Variants in AFG2A observed in about 807,000 individuals in gnomAD.
AFG2A encodes the protein ATPase family gene 2 protein homolog A.
the AFG2A span, among the ~76,000 whole-genome samples, chr4:123,257,912 G>GA: frequency 6.6e-6 from 1 of 152,022 alleles, no homozygotes; most frequent in Non-Finnish European, 1.5e-5. Flanking sequence ...TGGCTAAAAG[G>GA]AAAAAAACCT....
chr4:123,253,929 A>G, the AFG2A span, among the ~76,000 whole-genome samples: 1,073 of 152,190 alleles, frequency 7.1e-3, 13 homozygotes, highest in African/African-American at 0.024. Flanking sequence ...ATGGTATCTC[A>G]TTGTGGCTTA....
At chr4:122,933,653 T>A in the AFG2A span, among the ~76,000 whole-genome samples, 1 of 152,260 alleles carries the variant, frequency 6.6e-6, no homozygotes, top group Non-Finnish European at 1.5e-5. Context: ...AAGATAGGGA[T>A]GTGCTACTTT....
chr4:123,185,357 AT>A, the AFG2A span, among the ~76,000 whole-genome samples: 1 of 152,070 alleles, frequency 6.6e-6, no homozygotes, highest in Non-Finnish European at 1.5e-5. Context: ...AACTGTTACA[AT>A]AGCTACTGTA....
the AFG2A span, among the ~76,000 whole-genome samples, chr4:123,027,959 A>G: frequency 2.3e-5 from 2 of 86,128 alleles, no homozygotes; most frequent in Admixed American, 1.5e-4. Flanking sequence ...TATGAGACTT[A>G]CAAGCAGAAT....
At chr4:122,960,622 G>A in the AFG2A span, among the ~76,000 whole-genome samples, 10 of 152,240 alleles carry the variant, frequency 6.6e-5, no homozygotes, top group East Asian at 1.9e-3. Context: ...CCTTGATAAG[G>A]TAGCATAACA....
chr4:123,093,221 T>C, the AFG2A span, among the ~76,000 whole-genome samples: 4 of 152,178 alleles, frequency 2.6e-5, no homozygotes, highest in African/African-American at 9.7e-5. Flanking sequence ...CTGCCCGTTG[T>C]GGTGCAGGGC....
the AFG2A span, among the ~76,000 whole-genome samples, chr4:122,968,527 C>T: frequency 7.9e-5 from 12 of 152,196 alleles, no homozygotes; most frequent in Non-Finnish European, 1.3e-4. Context: ...GCCTTCTCTT[C>T]TTTCACTTGT....
At chr4:123,074,678 T>C in the AFG2A span, among the ~76,000 whole-genome samples, 1 of 152,158 alleles carries the variant, frequency 6.6e-6, no homozygotes, top group Non-Finnish European at 1.5e-5. Flanking sequence ...TTCATGTGGA[T>C]TTTTGTTTTT....
chr4:123,057,401 G>A, the AFG2A span: 4 of 1,166,482 alleles, frequency 3.4e-6, no homozygotes, highest in African/African-American at 4.7e-5. Flanking sequence ...AATACATTTG[G>A]CCTAAAAAAG....
At chr4:123,022,535 A>G in the AFG2A span, among the ~76,000 whole-genome samples, 1 of 149,564 alleles carries the variant, frequency 6.7e-6, no homozygotes, top group African/African-American at 2.5e-5. Flanking sequence ...TCAGGAAACA[A>G]CAGGTGCTGG....
the AFG2A span, among the ~76,000 whole-genome samples, chr4:123,134,197 GC>G: frequency 6.6e-6 from 1 of 152,010 alleles, no homozygotes; most frequent in African/African-American, 2.4e-5. Flanking sequence ...TGTCTGTGGA[GC>G]TTTTTCTCTT....
the AFG2A span, among the ~76,000 whole-genome samples, chr4:123,120,371 T>TA: frequency 1.3e-5 from 2 of 152,012 alleles, no homozygotes; most frequent in Admixed American, 6.6e-5. Flanking sequence ...AATTAAGGGC[T>TA]AAAAAAAAGA....
the AFG2A span, chr4:122,935,816 T>C: frequency 6.2e-7 from 1 of 1,611,774 alleles, no homozygotes; most frequent in Non-Finnish European, 8.5e-7. Context: ...TATGTTTCTG[T>C]AATTAATGGT....
chr4:123,228,432 A>T, the AFG2A span, among the ~76,000 whole-genome samples: 2 of 151,952 alleles, frequency 1.3e-5, no homozygotes, highest in African/African-American at 4.8e-5. Context: ...TGGAGAAAAA[A>T]AAAAGATAAG....
At chr4:123,289,901 T>C in the AFG2A span, among the ~76,000 whole-genome samples, 6 of 152,148 alleles carry the variant, frequency 3.9e-5, no homozygotes, top group African/African-American at 7.2e-5. Context: ...GTACATGTTG[T>C]GCAGGTTACA....
At chr4:122,931,005 C>G in the AFG2A span, among the ~76,000 whole-genome samples, 567 of 152,220 alleles carry the variant, frequency 3.7e-3, 3 homozygotes, top group Admixed American at 0.012. Context: ...GAAAATCAGT[C>G]ATTTTAGTCT....
At chr4:123,249,681 C>T in the AFG2A span, among the ~76,000 whole-genome samples, 6 of 152,180 alleles carry the variant, frequency 3.9e-5, no homozygotes, top group Admixed American at 3.9e-4. Context: ...CATAGCTGAG[C>T]TTACAGTGTT....
At chr4:123,007,595 T>TGTGTG in the AFG2A span, among the ~76,000 whole-genome samples, 6 of 5,116 alleles carry the variant, frequency 1.2e-3, no homozygotes, top group East Asian at 0.035. Context: ...TGTGTGTGTG[T>TGTGTG]GTGTGTGTGT....
At chr4:123,075,408 C>T in the AFG2A span, among the ~76,000 whole-genome samples, 454 of 152,074 alleles carry the variant, frequency 3.0e-3, 9 homozygotes, top group Middle Eastern at 0.051. Flanking sequence ...AAGCGATTCT[C>T]CTGCCTCAGC....
Sources: gnomAD v4.1 joint callset for allele counts (sites outside exome capture counted in the v4.1 genomes callset) on GRCh38, gnomAD v4.1.1 for gene constraint, MANE v1.5 for transcripts, NCBI Gene and HGNC (gene_info 2026-07-23, HGNC 2026-07-21) for gene names.